The following MAST2 variants were observed in gnomAD, a reference collection of about 807,000 sequenced individuals.
MAST2 encodes the protein microtubule-associated serine/threonine-protein kinase 2.
Under a neutral mutation model 147.4 loss-of-function variants are expected in MAST2, and 70 were observed. That is an observed-to-expected ratio of 0.47 (90% CI 0.39 to 0.58). The LOEUF (loss-of-function observed/expected upper bound fraction) is 0.58. Ranked by LOEUF, MAST2 falls within the 20% of genes least tolerant of loss-of-function variation. The pLI is 0.00. For missense variants in MAST2, 2,080 were observed against 2,302.3 expected (o/e 0.90, Z 1.98); for synonymous variants, 869 against 896.8 (o/e 0.97, Z 0.55).
At chr1:45,959,229 A>G (rs1282763202) in intron 4 of MAST2, among the ~76,000 whole-genome samples, 157 bp from the exon 5 acceptor site, 2 of 152,220 alleles carry the variant, frequency 1.3e-5, no homozygotes, top group African/African-American at 4.8e-5. Context: ...TATGGAATCT[A>G]ACTGGTGCCG....
chr1:45,851,901 G>A (rs550756876), intron 3 of MAST2, among the ~76,000 whole-genome samples: 2 of 152,066 alleles, frequency 1.3e-5, no homozygotes, highest in Non-Finnish European at 2.9e-5. Context: ...TGGGAATAAA[G>A]TAACATGCAT....
At chr1:45,962,017 G>A (rs1457927450) in intron 5 of MAST2, among the ~76,000 whole-genome samples, 2 of 151,400 alleles carry the variant, frequency 1.3e-5, no homozygotes, top group East Asian at 1.9e-4. Context: ...GAGAACATTC[G>A]GTGTTTGGTT....
intron 4 of MAST2, among the ~76,000 whole-genome samples, chr1:45,953,640 A>G (rs1273278313): frequency 6.6e-6 from 1 of 152,214 alleles, no homozygotes; most frequent in Non-Finnish European, 1.5e-5. Flanking sequence ...AAGGAAGGAC[A>G]TTGCAAGTAA....
chr1:45,810,121 CATT>C (rs1315218204), intron 1 of MAST2, among the ~76,000 whole-genome samples: 2 of 152,052 alleles, frequency 1.3e-5, no homozygotes, highest in Non-Finnish European at 2.9e-5. Context: ...GGTGCTCAGT[CATT>C]ATTTATTGAA....
chr1:46,030,675 C>T lies in MAST2; in HGVS notation c.2622C>T (p.Ser874=). Residue 874 remains serine, a synonymous_variant, in exon 22 of 29, where the codon AGC becomes AGT. Transcript: ENST00000361297. The stretch of plus-strand genomic sequence containing the variant: ...GGACACCACCCCCGACCAAGCGCAG[C>T]CTGAGTGAGGAGAAGGAGGACCATT... ...ERRTPPPTKR[S]LSEEKEDHSD... 6.2e-7 allele frequency: 1 copy of T among 1,610,794 alleles called. No homozygotes were observed. Among genetic ancestry groups the T allele is most frequent in the Non-Finnish European group, 8.5e-7 (1 of 1,179,072 alleles).
intron 1 of MAST2, among the ~76,000 whole-genome samples, chr1:45,819,551 T>C (rs1326702349): frequency 6.6e-6 from 1 of 152,194 alleles, no homozygotes; most frequent in Non-Finnish European, 1.5e-5. Flanking sequence ...GTAGTGTTTC[T>C]GTATGCCAAC....
intron 3 of MAST2, among the ~76,000 whole-genome samples, chr1:45,840,352 A>G (rs1399736983): frequency 1.3e-5 from 2 of 152,226 alleles, no homozygotes; most frequent in African/African-American, 4.8e-5. Flanking sequence ...CCGTTAATTT[A>G]TACTTTTTTC....
intron 3 of MAST2, chr1:45,846,926 G>T (rs755516890): frequency 1.4e-4 from 31 of 229,612 alleles, no homozygotes; most frequent in Non-Finnish European, 2.3e-4. Flanking sequence ...TGATGATTAT[G>T]TACCATAATC....
At chr1:45,825,583 C>CATAT (rs1644767177) in intron 2 of MAST2, among the ~76,000 whole-genome samples, 1 of 151,626 alleles carries the variant, frequency 6.6e-6, no homozygotes, top group Non-Finnish European at 1.5e-5. Context: ...CAGGTGCGCA[C>CATAT]CACCATGCCT....
At chr1:45,889,185 G>A (rs896024570) in intron 4 of MAST2, among the ~76,000 whole-genome samples, 1 of 152,030 alleles carries the variant, frequency 6.6e-6, no homozygotes, top group Admixed American at 6.6e-5. Context: ...AACTTTTTTG[G>A]TGAAATTTTT....
At chr1:45,862,976 T>C (rs891636493) in intron 3 of MAST2, among the ~76,000 whole-genome samples, 1 of 152,148 alleles carries the variant, frequency 6.6e-6, no homozygotes, top group African/African-American at 2.4e-5. Context: ...CATAATTACT[T>C]GTTTGTATTT....
intron 1 of MAST2, among the ~76,000 whole-genome samples, chr1:45,809,385 T>G (rs1644229737): frequency 6.6e-6 from 1 of 152,194 alleles, no homozygotes; most frequent in Non-Finnish European, 1.5e-5. Flanking sequence ...GGCTCATACT[T>G]GTAATCCCAG....
chr1:45,978,502 C>T (rs1476796973), intron 5 of MAST2, among the ~76,000 whole-genome samples: 2 of 151,940 alleles, frequency 1.3e-5, no homozygotes, highest in Admixed American at 6.6e-5. Flanking sequence ...GGCAACAGAG[C>T]GAGACTCTGT....
intron 1 of MAST2, among the ~76,000 whole-genome samples, chr1:45,809,994 T>C (rs113456520): frequency 1.4e-3 from 212 of 152,372 alleles, no homozygotes; most frequent in Middle Eastern, 3.4e-3. Context: ...TTTAGCACTT[T>C]CAACTTTCTG....
chr1:46,016,859 A>G (rs1164424371), intron 10 of MAST2, among the ~76,000 whole-genome samples: 3 of 152,190 alleles, frequency 2.0e-5, no homozygotes, highest in African/African-American at 7.2e-5. Context: ...AAGAGCCCGC[A>G]TCGCCAAGTC....
chr1:46,003,794 A>C (rs2149198638), intron 7 of MAST2, among the ~76,000 whole-genome samples: 1 of 152,292 alleles, frequency 6.6e-6, no homozygotes, highest in South Asian at 2.1e-4. Flanking sequence ...AACCACAGTG[A>C]CAAGGTTGGC....
chr1:45,842,746 A>G (rs1056611383), intron 3 of MAST2, among the ~76,000 whole-genome samples: 1 of 152,210 alleles, frequency 6.6e-6, no homozygotes, highest in Non-Finnish European at 1.5e-5. Flanking sequence ...TAGTGCTGCT[A>G]TGAACTATAT....
chr1:45,829,413 A>T, intron 2 of MAST2, 26 bp from the exon 3 acceptor site: 4 of 1,595,274 alleles, frequency 2.5e-6, no homozygotes, highest in Non-Finnish European at 3.4e-6. Context: ...AATTACATGT[A>T]TATTTTCCAA....
At chr1:45,924,622 CT>C in intron 4 of MAST2, among the ~76,000 whole-genome samples, 1 of 152,236 alleles carries the variant, frequency 6.6e-6, no homozygotes, top group African/African-American at 2.4e-5. Flanking sequence ...TCTTTTTTAT[CT>C]CTCTTTTTTT....
Sources: allele counts gnomAD v4.1 joint callset (sites outside exome capture counted in the v4.1 genomes callset), GRCh38; gene constraint gnomAD v4.1.1; transcripts MANE v1.5; gene names NCBI Gene and HGNC (gene_info 2026-07-23, HGNC 2026-07-21).